RASAL2: variants seen among roughly 807,000 people sequenced by gnomAD.
RASAL2 encodes ras GTPase-activating protein nGAP.
RASAL2 carries 58 observed loss-of-function variants against 128.9 expected under a neutral mutation model. That is an observed-to-expected ratio of 0.45 (90% CI 0.36 to 0.56). RASAL2 has a LOEUF of 0.56. RASAL2 is among the 20% of genes least tolerant of loss of function. The pLI, the probability that RASAL2 is intolerant of heterozygous loss-of-function variation, is 0.00. For missense variants in RASAL2, 1,360 were observed against 1,601.6 expected (o/e 0.85, Z 2.57); for synonymous variants, 561 against 580.8 (o/e 0.97, Z 0.49).
At chr1:178,419,109 G>T (rs1018319538) in intron 4 of RASAL2, among the ~76,000 whole-genome samples, 1 of 152,104 alleles carries the variant, frequency 6.6e-6, no homozygotes, top group African/African-American at 2.4e-5. Context: ...GAATATAAAA[G>T]ATTTGATGTG....
chr1:178,176,659 A>G (rs1571587829), intron 1 of RASAL2, among the ~76,000 whole-genome samples: 3 of 151,220 alleles, frequency 2.0e-5, no homozygotes, highest in Admixed American at 2.0e-4. Context: ...AGAGACAGAC[A>G]GACAGAGAGA....
At chr1:178,113,564 G>GTA (rs1491263145) in intron 1 of RASAL2, among the ~76,000 whole-genome samples, 4 of 131,310 alleles carry the variant, frequency 3.0e-5, no homozygotes, top group Non-Finnish European at 6.5e-5. Context: ...GTGTGTGTGT[G>GTA]TAGAGGCAGA....
At chr1:178,367,951 C>T (rs1399116034) in intron 3 of RASAL2, among the ~76,000 whole-genome samples, 1 of 150,144 alleles carries the variant, frequency 6.7e-6, no homozygotes, top group African/African-American at 2.5e-5. Context: ...TTAAGTATGG[C>T]CCATGCCTTT....
In RASAL2 at chr1:178,465,200, G is replaced by A. The variant is rs138837822; in HGVS notation, c.3388-720G>A. 1.3e-3 allele frequency among the ~76,000 whole-genome samples: 198 copies of A among 152,226 alleles called. 5 individuals are homozygous for A. The East Asian group carries it at 0.035, about 27-fold the overall frequency. On this transcript the variant is annotated intron_variant, in intron 15 of 17. Transcript: ENST00000367649. ...AAGCAGTACAAAATTGGGCAGGTGA[G>A]TCATATTACAAAAATGGGCAAAGAA...
At chr1:178,142,799 A>G (rs1478795041) in intron 1 of RASAL2, among the ~76,000 whole-genome samples, 1 of 152,100 alleles carries the variant, frequency 6.6e-6, no homozygotes, top group Admixed American at 6.6e-5. Flanking sequence ...TATTTCATGA[A>G]TTAGTGCCTT....
intron 1 of RASAL2, among the ~76,000 whole-genome samples, chr1:178,219,428 G>A (rs903184199): frequency 6.6e-6 from 1 of 151,886 alleles, no homozygotes; most frequent in Admixed American, 6.6e-5. Context: ...CTGGTGGATC[G>A]CTTGAGCTCT....
chr1:178,326,359 GAAT>G, intron 3 of RASAL2, among the ~76,000 whole-genome samples: 1 of 152,146 alleles, frequency 6.6e-6, no homozygotes, highest in African/African-American at 2.4e-5. Flanking sequence ...TCATAAGTGA[GAAT>G]AATAAGTGGA....
chr1:178,327,427 C>T (rs917267062), intron 3 of RASAL2, among the ~76,000 whole-genome samples: 1 of 152,102 alleles, frequency 6.6e-6, no homozygotes, highest in Non-Finnish European at 1.5e-5. Flanking sequence ...CTCACTGCAG[C>T]CTCAACCTCT....
At chr1:178,099,542 A>T (rs1042388130) in intron 1 of RASAL2, among the ~76,000 whole-genome samples, 1 of 152,194 alleles carries the variant, frequency 6.6e-6, no homozygotes, top group Non-Finnish European at 1.5e-5. Context: ...ACCCTCTATC[A>T]TGTTGGTTCA....
chr1:178,158,714 G>T (rs900303923), intron 1 of RASAL2, among the ~76,000 whole-genome samples: 1 of 152,092 alleles, frequency 6.6e-6, no homozygotes, highest in Non-Finnish European at 1.5e-5. Flanking sequence ...CTATTATTTT[G>T]ATCTCTCATG....
At chr1:178,451,806 G>A (rs1266406646) in intron 10 of RASAL2, 91 bp downstream of exon 10, 4 of 1,441,402 alleles carry the variant, frequency 2.8e-6, no homozygotes, top group African/African-American at 2.8e-5. Flanking sequence ...TCATCACAAT[G>A]TTAACAATTA....
chr1:178,273,454 G>T (rs1006157354), intron 1 of RASAL2, among the ~76,000 whole-genome samples: 2 of 152,080 alleles, frequency 1.3e-5, no homozygotes, highest in African/African-American at 2.4e-5. Flanking sequence ...TTGTAGTGTC[G>T]AAGGGAATGT....
Position 178,243,793 on chromosome 1 carries a change from T to C in RASAL2, c.203-39771T>C, listed in dbSNP as rs1002974706. 2.0e-5 allele frequency among the ~76,000 whole-genome samples: 3 copies of C among 152,248 alleles called. No homozygotes were observed. In the South Asian group the frequency reaches 6.2e-4, roughly 32 times the overall value. ...ATCAGCCATTTTTCTTTTTACAGAG[T>C]TCTTCTATGACTGTCTTTTGTATTA... On this transcript the variant is annotated intron_variant, in intron 1 of 17. Transcript: ENST00000367649.
intron 1 of RASAL2, among the ~76,000 whole-genome samples, chr1:178,153,108 C>T (rs1474184985): frequency 6.6e-6 from 1 of 152,130 alleles, no homozygotes; most frequent in African/African-American, 2.4e-5. Flanking sequence ...TCTCTCCCAA[C>T]CCCCTTTTTG....
chr1:178,314,557 T>G (rs1440730136), intron 3 of RASAL2, among the ~76,000 whole-genome samples: 4 of 151,926 alleles, frequency 2.6e-5, no homozygotes, highest in African/African-American at 9.7e-5. Context: ...TGTTCTATTA[T>G]TTGGCCTCAT....
intron 8 of RASAL2, among the ~76,000 whole-genome samples, chr1:178,445,205 T>G (rs1572087822): frequency 1.3e-5 from 2 of 149,880 alleles, no homozygotes. Flanking sequence ...AAGGGCTTGG[T>G]GTATTAAAGG....
At chr1:178,385,472 A>G (rs955778601) in intron 3 of RASAL2, among the ~76,000 whole-genome samples, 3 of 152,114 alleles carry the variant, frequency 2.0e-5, no homozygotes, top group Admixed American at 1.3e-4. Context: ...CAGTAAGTGT[A>G]TATCTATGGA....
intron 1 of RASAL2, among the ~76,000 whole-genome samples, chr1:178,226,917 G>A (rs1416019299): frequency 1.3e-5 from 2 of 152,120 alleles, no homozygotes; most frequent in East Asian, 3.8e-4. Context: ...TCCAGCCTAG[G>A]TGACAGAATG....
intron 1 of RASAL2, among the ~76,000 whole-genome samples, chr1:178,176,209 A>T (rs1216038983): frequency 6.7e-6 from 1 of 148,712 alleles, no homozygotes; most frequent in Non-Finnish European, 1.5e-5. Context: ...CACCACATCC[A>T]TGCCAACATC....
Sources: allele counts gnomAD v4.1 joint callset (sites outside exome capture counted in the v4.1 genomes callset), GRCh38; gene constraint gnomAD v4.1.1; transcripts MANE v1.5; gene names NCBI Gene and HGNC (gene_info 2026-07-23, HGNC 2026-07-21).